Variants in NFIA observed in about 807,000 individuals in gnomAD.
NFIA encodes nuclear factor 1 A-type.
In NFIA, 8 loss-of-function variants were observed where a neutral mutation model predicts 62.8. That is an observed-to-expected ratio of 0.13 (90% CI 0.07 to 0.23). The LOEUF (loss-of-function observed/expected upper bound fraction) is 0.23. Ranked by LOEUF, NFIA falls within the 10% of genes least tolerant of loss-of-function variation. NFIA has a pLI of 1.00. For missense variants in NFIA, 410 were observed against 642.1 expected (o/e 0.64, Z 3.91); for synonymous variants, 235 against 238.1 (o/e 0.99, Z 0.12).
chr1:61,258,946 C>T (rs529056156), intron 2 of NFIA, among the ~76,000 whole-genome samples: 1 of 152,162 alleles, frequency 6.6e-6, no homozygotes, highest in South Asian at 2.1e-4. Context: ...GTCTCGAACT[C>T]CTGAGCTCAA....
chr1:61,219,713 C>CAAA lies in NFIA; in HGVS notation c.560-57796_560-57794dup, dbSNP rs749092216. 5.8e-3 allele frequency among the ~76,000 whole-genome samples: 622 copies of CAAA among 107,780 alleles called. 9 individuals are homozygous for CAAA. The highest frequency in any genetic ancestry group is 0.048 in the Middle Eastern group (10 of 210). 70.7% of individuals were successfully genotyped at this position (107,780 alleles called of 152,430 possible). A position where few individuals can be genotyped will look rare whatever the true frequency, so the allele number is the denominator to read the frequency against. On this transcript the variant is annotated intron_variant, in intron 2 of 10. Coordinates refer to ENST00000403491, the MANE Select transcript of NFIA (RefSeq NM_001134673.4). ...TGGGTGACAGAGCGAGACTCCGTCTCAAAAAAAAAAAAAGAAAAAAGGCGG... is the reference window on the plus strand; with the variant it reads ...TGGGTGACAGAGCGAGACTCCGTCTCAAAAAAAAAAAAAAAAGAAAAAAGGCGG...
At position 61,287,549 on chromosome 1, in the gene NFIA, A is replaced by C. The variant is rs1005686230; in HGVS notation, c.625+9964A>C. On this transcript the variant is annotated intron_variant, in intron 3 of 10. Transcript: ENST00000403491. ...TAGCACAATGGTGGCTCACACCTGTAATCCCAGCACTTTGGGAGGCCAAGG... is the reference window on the plus strand; with the variant it reads ...TAGCACAATGGTGGCTCACACCTGTCATCCCAGCACTTTGGGAGGCCAAGG... Among the ~76,000 whole-genome samples, 3 of 152,100 alleles carry C rather than the reference A, an allele frequency of 2.0e-5. No individual in the cohort carries two copies. In the East Asian group the frequency reaches 5.8e-4, roughly 29 times the overall value.
At chr1:61,357,510 C>T (rs1359132275) in intron 5 of NFIA, among the ~76,000 whole-genome samples, 2 of 152,062 alleles carry the variant, frequency 1.3e-5, no homozygotes, top group Non-Finnish European at 2.9e-5. Context: ...TGCCTCTGCC[C>T]TTTCCTTCAT....
intron 6 of NFIA, among the ~76,000 whole-genome samples, chr1:61,365,793 T>A (rs552067772): frequency 6.6e-6 from 1 of 152,204 alleles, no homozygotes; most frequent in African/African-American, 2.4e-5. Context: ...CACAAAGTTA[T>A]GACAGATGAG....
At chr1:61,108,981 A>T (rs1646650542) in intron 2 of NFIA, among the ~76,000 whole-genome samples, 1 of 151,832 alleles carries the variant, frequency 6.6e-6, no homozygotes, top group Non-Finnish European at 1.5e-5. Flanking sequence ...CAGGGAAAAG[A>T]ATTACCATAT....
At chr1:61,118,700 GTGTGTGTGTA>G (rs1021201423) in intron 2 of NFIA, among the ~76,000 whole-genome samples, 20 of 137,756 alleles carry the variant, frequency 1.5e-4, no homozygotes, top group Non-Finnish European at 2.4e-4. Flanking sequence ...GTGTGTGTGT[GTGTGTGTGTA>G]CCAGAGACTG....
intron 2 of NFIA, among the ~76,000 whole-genome samples, chr1:61,255,409 A>G (rs756852945): frequency 2.6e-5 from 4 of 152,224 alleles, no homozygotes; most frequent in Non-Finnish European, 5.9e-5. Context: ...TCAAGTACAG[A>G]TATCATATGA....
At chr1:61,210,954 G>A (rs1450451054) in intron 2 of NFIA, among the ~76,000 whole-genome samples, 3 of 152,210 alleles carry the variant, frequency 2.0e-5, no homozygotes, top group Admixed American at 6.5e-5. Flanking sequence ...CAGGGCCAAT[G>A]TGATGGCTGA....
At chr1:61,369,787 TAA>T (rs1663786453) in intron 6 of NFIA, among the ~76,000 whole-genome samples, 1 of 152,106 alleles carries the variant, frequency 6.6e-6, no homozygotes, top group African/African-American at 2.4e-5. Flanking sequence ...CACACATATA[TAA>T]ATATATATGT....
chr1:61,294,697 T>C (rs1659093426), intron 3 of NFIA, among the ~76,000 whole-genome samples: 1 of 152,240 alleles, frequency 6.6e-6, no homozygotes, highest in African/African-American at 2.4e-5. Flanking sequence ...GCACAGTGCC[T>C]ATCCCATAGT....
chr1:61,283,665 T>TTCTTTTTC (rs1271953430), intron 3 of NFIA, among the ~76,000 whole-genome samples: 2 of 151,048 alleles, frequency 1.3e-5, no homozygotes, highest in African/African-American at 4.9e-5. Context: ...ACCTATAAAT[T>TTCTTTTTC]TCTTTTTCTC....
intron 6 of NFIA, among the ~76,000 whole-genome samples, chr1:61,382,527 G>A (rs1664470192): frequency 6.6e-6 from 1 of 152,054 alleles, no homozygotes; most frequent in African/African-American, 2.4e-5. Flanking sequence ...TTCTTTCTCT[G>A]TGCATAGAAA....
At chr1:61,407,439 G>C (rs72915707) in intron 9 of NFIA, among the ~76,000 whole-genome samples, 8,093 of 152,260 alleles carry the variant, frequency 0.053, 684 homozygotes, top group African/African-American at 0.19. Flanking sequence ...ACTTGAACTA[G>C]AGAGAGAGTA....
At chr1:61,166,632 A>G (rs111786180) in intron 2 of NFIA, among the ~76,000 whole-genome samples, 2 of 149,600 alleles carry the variant, frequency 1.3e-5, no homozygotes, top group Non-Finnish European at 3.0e-5. Flanking sequence ...ATGGGTAAAT[A>G]TATGATAATG....
intron 2 of NFIA, among the ~76,000 whole-genome samples, chr1:61,227,796 T>C (rs1241482146): frequency 1.3e-5 from 2 of 151,194 alleles, no homozygotes; most frequent in East Asian, 3.8e-4. Context: ...CTATTCCTAA[T>C]TAAAATCTTT....
intron 3 of NFIA, among the ~76,000 whole-genome samples, chr1:61,289,789 G>C (rs1275364608): frequency 6.6e-6 from 1 of 151,898 alleles, no homozygotes; most frequent in Non-Finnish European, 1.5e-5. Flanking sequence ...CCAGGTATCT[G>C]CCTCAGCCTT....
At chr1:61,212,420 T>G (rs749576583) in intron 2 of NFIA, among the ~76,000 whole-genome samples, 8 of 152,250 alleles carry the variant, frequency 5.3e-5, no homozygotes, top group Non-Finnish European at 1.2e-4. Flanking sequence ...GTATGGTCTG[T>G]GAGCCATGAA....
chr1:61,421,355 A>G (rs1222295722), intron 9 of NFIA, among the ~76,000 whole-genome samples: 1 of 150,754 alleles, frequency 6.6e-6, no homozygotes, highest in African/African-American at 2.4e-5. Context: ...GGAGAGAGAG[A>G]AAAAAAATGA....
upstream of NFIA, chr1:61,077,432 T>G: frequency 2.4e-6 from 1 of 424,500 alleles, no homozygotes; most frequent in Non-Finnish European, 4.1e-6. Context: ...TGCAAAAGCC[T>G]TCTGATTTGG....
Sources: gnomAD v4.1 joint callset for allele counts (sites outside exome capture counted in the v4.1 genomes callset) on GRCh38, gnomAD v4.1.1 for gene constraint, MANE v1.5 for transcripts, NCBI Gene and HGNC (gene_info 2026-07-23, HGNC 2026-07-21) for gene names.